ERI3: variants seen among roughly 807,000 people sequenced by gnomAD.
The protein encoded by ERI3 is ERI1 exoribonuclease 3.
ERI3 carries 18 observed loss-of-function variants against 44.4 expected under a neutral mutation model. That is an observed-to-expected ratio of 0.41 (90% CI 0.28 to 0.60). The LOEUF is 0.60. ERI3 is among the 20% of genes least tolerant of loss of function. The pLI is 0.36. For synonymous variants in ERI3, 183 were observed against 164.8 expected (o/e 1.11, Z -0.84); for missense variants, 294 against 435.5 (o/e 0.68, Z 2.89).
At chr1:44,350,614 A>G (rs1646869294) in intron 2 of ERI3, among the ~76,000 whole-genome samples, 1 of 152,052 alleles carries the variant, frequency 6.6e-6, no homozygotes, top group Non-Finnish European at 1.5e-5. Context: ...TCCAGTCTGT[A>G]AAATAGAAGC....
At chr1:44,350,559 GCT>G (rs1350740938) in intron 2 of ERI3, among the ~76,000 whole-genome samples, 5 of 152,182 alleles carry the variant, frequency 3.3e-5, no homozygotes, top group Non-Finnish European at 7.3e-5. Context: ...ACCGTGCCCA[GCT>G]CTTTCAATTC....
At chr1:44,251,301 A>C (rs1353374615) in intron 7 of ERI3, among the ~76,000 whole-genome samples, 5 of 152,264 alleles carry the variant, frequency 3.3e-5, no homozygotes, top group African/African-American at 1.2e-4. Context: ...ATATGCTGGC[A>C]TGCCACAAAT....
chr1:44,248,821 G>A (rs1644610841), intron 7 of ERI3, among the ~76,000 whole-genome samples: 1 of 151,966 alleles, frequency 6.6e-6, no homozygotes, highest in South Asian at 2.1e-4. Context: ...GTTTTCCTGG[G>A]GTTGGGGAAG....
In ERI3 at chr1:44,350,719, C is replaced by CT. The variant is rs1447520346; in HGVS notation, c.211+2130dup. ...ATATATGCAAAGATTCAGTTATACT[C>CT]TTTTTTTTATTTATAAGAAAAGCGT... is the stretch of plus-strand genomic sequence containing the variant. On this transcript the variant is annotated intron_variant, in intron 2 of 8. Coordinates refer to ENST00000372257, the MANE Select transcript of ERI3 (RefSeq NM_024066.3). Among the ~76,000 whole-genome samples the CT allele has an allele frequency of 5.3e-5, 8 of 152,124 alleles. No individual in the cohort carries two copies. In the South Asian group the frequency reaches 6.2e-4, roughly 12 times the overall value.
chr1:44,250,691 A>T (rs1438099189), intron 7 of ERI3, among the ~76,000 whole-genome samples: 1 of 148,490 alleles, frequency 6.7e-6, no homozygotes, highest in Non-Finnish European at 1.5e-5. Context: ...GTGATAACCA[A>T]TTGCTGCTGT....
At chr1:44,259,372 G>A (rs1248960324) in intron 7 of ERI3, among the ~76,000 whole-genome samples, 2 of 152,070 alleles carry the variant, frequency 1.3e-5, no homozygotes, top group Admixed American at 6.5e-5. Context: ...TCAAATCAAC[G>A]CCAGAGTCCC....
At chr1:44,285,942 T>C (rs994912752) in intron 6 of ERI3, among the ~76,000 whole-genome samples, 6 of 152,058 alleles carry the variant, frequency 3.9e-5, no homozygotes, top group Admixed American at 6.6e-5. Flanking sequence ...GCAAAAATAA[T>C]AGACTAAAAG....
rs780153830 is a variant in ERI3, at chr1:44,252,175, G to A, written c.832-4137C>T. On this transcript the variant is annotated intron_variant, in intron 7 of 8. Coordinates refer to ENST00000372257, the MANE Select transcript of ERI3 (RefSeq NM_024066.3). This position sits in a 1 kb window ranked among gnomAD's most constrained non-coding sequence, Gnocchi z 4.7. ...TCCTGTCCAGGGCAGGTACTGATGC[G>A]AGCCACAGGGACAGGTGGAGCTGGC... Among the ~76,000 whole-genome samples the A allele has an allele frequency of 5.9e-5, 9 of 152,208 alleles. No homozygotes were observed. The highest frequency in any genetic ancestry group is 1.0e-4 in the Non-Finnish European group (7 of 68,046).
At chr1:44,315,285 C>T (rs1557844869) in intron 4 of ERI3, among the ~76,000 whole-genome samples, 1 of 152,214 alleles carries the variant, frequency 6.6e-6, no homozygotes, top group Admixed American at 6.5e-5. Flanking sequence ...TAAAGAAAGT[C>T]TCACTCACAC....
At chr1:44,290,196 C>T (rs1367476384) in intron 6 of ERI3, among the ~76,000 whole-genome samples, 3 of 152,186 alleles carry the variant, frequency 2.0e-5, no homozygotes, top group Non-Finnish European at 4.4e-5. Flanking sequence ...AGCTCCAGGA[C>T]AGGCACATAC....
rs568217217 is a variant in ERI3, at chr1:44,318,625, C to A, written c.606+1003G>T. Among the ~76,000 whole-genome samples the A allele has an allele frequency of 9.2e-5, 14 of 152,360 alleles. No homozygotes were observed. The East Asian group carries it at 2.7e-3, about 29-fold the overall frequency. Reference sequence around the variant, plus strand: ...ATCGAATTCAGGAGCAACCTCGAGACCTCCTGTCTGGGCTAAGTCAGCCTC... The same window carrying A: ...ATCGAATTCAGGAGCAACCTCGAGAACTCCTGTCTGGGCTAAGTCAGCCTC... On this transcript the variant is annotated intron_variant, in intron 4 of 8. Transcript: ENST00000372257.
chr1:44,291,095 G>A (rs137897731), intron 6 of ERI3, among the ~76,000 whole-genome samples: 17 of 152,276 alleles, frequency 1.1e-4, no homozygotes, highest in African/African-American at 1.7e-4. Flanking sequence ...CTGCAACAGC[G>A]TAGCAATTTA....
chr1:44,328,006 C>A (rs773541764), intron 3 of ERI3, among the ~76,000 whole-genome samples: 2 of 152,190 alleles, frequency 1.3e-5, no homozygotes, highest in Non-Finnish European at 2.9e-5. Context: ...GCTGGCTGGG[C>A]TACAGGAGGC....
chr1:44,342,646 CCTT>C (rs1646677803), intron 2 of ERI3, among the ~76,000 whole-genome samples: 1 of 146,982 alleles, frequency 6.8e-6, no homozygotes, highest in Non-Finnish European at 1.5e-5. Flanking sequence ...CACTCCATTG[CCTT>C]CTTGTTTTTT....
In ERI3 at chr1:44,252,188, A is replaced by C. The variant is rs1392923786; in HGVS notation, c.832-4150T>G. ...AGGTACTGATGCGAGCCACAGGGAC[A>C]GGTGGAGCTGGCTGAGGTGAAAGAT... On this transcript the variant is annotated intron_variant, in intron 7 of 8. Transcript: ENST00000372257. The surrounding 1 kb of genome is among the most constrained non-coding windows in gnomAD (Gnocchi z 4.7). Among the ~76,000 whole-genome samples the C allele has an allele frequency of 6.6e-6, 1 of 152,222 alleles. No homozygotes were observed. Among genetic ancestry groups the C allele is most frequent in the African/African-American group, 2.4e-5 (1 of 41,460 alleles).
intron 7 of ERI3, among the ~76,000 whole-genome samples, chr1:44,259,689 GACACACACAC>G (rs58901342): frequency 1.6e-4 from 22 of 140,384 alleles, no homozygotes; most frequent in East Asian, 2.1e-4. Context: ...AAAACACACA[GACACACACAC>G]ACACACACAC....
At chr1:44,255,093 G>C (rs1056909319) in intron 7 of ERI3, among the ~76,000 whole-genome samples, 5 of 152,166 alleles carry the variant, frequency 3.3e-5, no homozygotes, top group African/African-American at 1.2e-4. Flanking sequence ...TGTCTGTAAA[G>C]TGCTTAAAAC....
chr1:44,283,844 C>T, intron 7 of ERI3: 1 of 365,312 alleles, frequency 2.7e-6, no homozygotes, highest in Non-Finnish European at 5.5e-6. Context: ...GCATGCTGCC[C>T]TCCCTGCTGA....
intron 8 of ERI3, among the ~76,000 whole-genome samples, chr1:44,231,889 A>G (rs555762185): frequency 6.6e-6 from 1 of 152,212 alleles, no homozygotes; most frequent in Non-Finnish European, 1.5e-5. Context: ...AGCATGAGGG[A>G]AAAATAGTCC....
Sources: allele counts gnomAD v4.1 joint callset (sites outside exome capture counted in the v4.1 genomes callset), GRCh38; gene constraint gnomAD v4.1.1; non-coding constraint Gnocchi (gnomAD v3.1); transcripts MANE v1.5; gene names NCBI Gene and HGNC (gene_info 2026-07-23, HGNC 2026-07-21).